The following PTPRN2 variants were observed in gnomAD, a reference collection of about 807,000 sequenced individuals.
The protein encoded by PTPRN2 is protein tyrosine phosphatase receptor type N2, also known as receptor-type tyrosine-protein phosphatase N2.
PTPRN2 carries 74 observed loss-of-function variants against 118.8 expected under a neutral mutation model. The observed-to-expected ratio is 0.62, with a 90% CI of 0.52 to 0.76. PTPRN2 has a LOEUF of 0.76. Among genes scored for constraint, PTPRN2 ranks in the 30% least tolerant of loss-of-function variants. The pLI is 0.00. For missense variants in PTPRN2, 1,481 were observed against 1,394.4 expected (o/e 1.06, Z -0.99); for synonymous variants, 641 against 608.0 (o/e 1.05, Z -0.80).
Position 157,603,909 on chromosome 7 carries a change from A to T in PTPRN2, c.2418+93T>A. The T allele has an allele frequency of 8.4e-7, 1 of 1,186,682 alleles. No individual in the cohort carries two copies. The highest frequency in any genetic ancestry group is 1.9e-5 in the Admixed American group (1 of 52,960). 73.5% of individuals were successfully genotyped at this position (1,186,682 alleles called of 1,614,324 possible). A position where few individuals can be genotyped will look rare whatever the true frequency, so the allele number is the denominator to read the frequency against. On this transcript the variant is annotated intron_variant, in intron 16 of 22. Transcript: ENST00000389418. This position sits in a 1 kb window ranked among gnomAD's most constrained non-coding sequence, Gnocchi z 5.4. ...CGCAGAGACGCTGAGCTGGGTGGGG[A>T]CGTGATTTCCCCCGAGAACCTTCCC... is the stretch of plus-strand genomic sequence containing the variant.
At chr7:157,555,795 G>A (rs1446533173) in intron 21 of PTPRN2, among the ~76,000 whole-genome samples, 1 of 152,200 alleles carries the variant, frequency 6.6e-6, no homozygotes, top group Non-Finnish European at 1.5e-5. Context: ...TGGAAGAACT[G>A]AAGAAAAGCT....
At chr7:158,334,457 A>T (rs796364253) in intron 2 of PTPRN2, among the ~76,000 whole-genome samples, 11 of 31,274 alleles carry the variant, frequency 3.5e-4, no homozygotes, top group African/African-American at 8.7e-4. Flanking sequence ...ATAAGAGGTG[A>T]CGCCCATAGA....
intron 2 of PTPRN2, among the ~76,000 whole-genome samples, chr7:158,333,702 C>T (rs1271662850): frequency 1.3e-5 from 2 of 150,834 alleles, no homozygotes; most frequent in East Asian, 2.0e-4. Flanking sequence ...ACACTGTCAC[C>T]ATAAGAGCTG....
At chr7:157,960,339 T>C (rs948329570) in intron 11 of PTPRN2, among the ~76,000 whole-genome samples, 10 of 152,248 alleles carry the variant, frequency 6.6e-5, no homozygotes, top group Non-Finnish European at 2.9e-5. Context: ...TTTTACTTTA[T>C]GTATATTTTA....
At chr7:158,046,200 C>G (rs1048950870) in intron 11 of PTPRN2, among the ~76,000 whole-genome samples, 1 of 151,546 alleles carries the variant, frequency 6.6e-6, no homozygotes, top group Non-Finnish European at 1.5e-5. Flanking sequence ...TCCTGGCATC[C>G]TGACACTGCC....
chr7:158,463,246 C>G (rs1819129802), intron 2 of PTPRN2, among the ~76,000 whole-genome samples: 1 of 152,106 alleles, frequency 6.6e-6, no homozygotes, highest in Admixed American at 6.5e-5. Flanking sequence ...AGCCCATCAT[C>G]CCCTAACTCC....
At chr7:158,141,781 T>G (rs1006100400) in intron 6 of PTPRN2, among the ~76,000 whole-genome samples, 6 of 152,192 alleles carry the variant, frequency 3.9e-5, no homozygotes, top group Admixed American at 3.3e-4. Flanking sequence ...TGTTGATGAC[T>G]AAGACCCTCT....
chr7:157,785,846 C>T lies in PTPRN2; in HGVS notation c.1789-102909G>A, dbSNP rs1021120783. ...TGAAGCCTGCGTTTTCCCTTCTGCA[C>T]AACAGCGGAGGTTTTCCTGGAGTTC... On this transcript the variant is annotated intron_variant, in intron 12 of 22. Coordinates refer to ENST00000389418, the MANE Select transcript of PTPRN2 (RefSeq NM_002847.5). This position sits in a 1 kb window ranked among gnomAD's most constrained non-coding sequence, Gnocchi z 7.3. Among the ~76,000 whole-genome samples the T allele has an allele frequency of 5.3e-5, 8 of 152,162 alleles. No individual in the cohort carries two copies. The highest frequency in any genetic ancestry group is 1.9e-4 in the African/African-American group (8 of 41,432).
chr7:158,485,080 C>T (rs1334892421), intron 2 of PTPRN2, among the ~76,000 whole-genome samples: 1 of 152,112 alleles, frequency 6.6e-6, no homozygotes, highest in African/African-American at 2.4e-5. Context: ...TGCAACGGCC[C>T]GCAGGCCCGT....
At chr7:157,608,794 C>T (rs1340066343) in intron 15 of PTPRN2, among the ~76,000 whole-genome samples, 2 of 152,196 alleles carry the variant, frequency 1.3e-5, no homozygotes, top group African/African-American at 4.8e-5. Flanking sequence ...CTGCTCCCTT[C>T]TGTTGTCAAA....
chr7:158,344,223 C>T (rs893208813), intron 2 of PTPRN2, among the ~76,000 whole-genome samples: 2 of 152,162 alleles, frequency 1.3e-5, no homozygotes, highest in Admixed American at 6.5e-5. Flanking sequence ...GCTCCAGCAA[C>T]CCCACACAGG....
chr7:158,165,078 T>C (rs73173661), intron 6 of PTPRN2, among the ~76,000 whole-genome samples: 100 of 100,938 alleles, frequency 9.9e-4, no homozygotes, highest in East Asian at 1.2e-3. Context: ...CTGATAGCAT[T>C]CAGTACCCAC....
chr7:157,803,628 C>T (rs987041175), intron 12 of PTPRN2, among the ~76,000 whole-genome samples: 4 of 152,150 alleles, frequency 2.6e-5, no homozygotes, highest in Admixed American at 6.6e-5. Flanking sequence ...GGTGAGGGTC[C>T]GATGCCGTTC....
chr7:158,036,735 T>A (rs1191853823), intron 11 of PTPRN2, among the ~76,000 whole-genome samples: 1 of 152,190 alleles, frequency 6.6e-6, no homozygotes, highest in Non-Finnish European at 1.5e-5. Context: ...TTTAAGAAAC[T>A]AGGAATAAAG....
intron 13 of PTPRN2, 21 bp downstream of exon 13, chr7:157,682,704 T>A: frequency 5.0e-6 from 8 of 1,600,344 alleles, no homozygotes; most frequent in Non-Finnish European, 6.0e-6. Flanking sequence ...ATATACCACT[T>A]TTTAAAAAGT....
chr7:158,245,729 G>A (rs527938019), intron 3 of PTPRN2, among the ~76,000 whole-genome samples: 4 of 152,290 alleles, frequency 2.6e-5, no homozygotes, highest in East Asian at 1.9e-4. Context: ...CAGGCACAGC[G>A]TCTCATGACG....
At chr7:157,800,425 G>C (rs1805192716) in intron 12 of PTPRN2, among the ~76,000 whole-genome samples, 1 of 152,146 alleles carries the variant, frequency 6.6e-6, no homozygotes, top group African/African-American at 2.4e-5. Flanking sequence ...TGCGCTCCCA[G>C]CTCCTACAAC....
Position 158,478,878 on chromosome 7 carries a change from G to A in PTPRN2, c.163+10857C>T, listed in dbSNP as rs12334229. Among the ~76,000 whole-genome samples the A allele has an allele frequency of 5.6e-3, 856 of 152,278 alleles. 6 individuals carry two copies. Among genetic ancestry groups the A allele is most frequent in the African/African-American group, 0.019 (785 of 41,550 alleles). ...AAAGACAAAACTCAGTGGGAATGGGGCAAAGATGGGAGCAGTAACTTACAG... is the reference window on the plus strand; with the variant it reads ...AAAGACAAAACTCAGTGGGAATGGGACAAAGATGGGAGCAGTAACTTACAG... On this transcript the variant is annotated intron_variant, in intron 2 of 22. Transcript: ENST00000389418.
chr7:158,472,873 G>A (rs1239060762), intron 2 of PTPRN2, among the ~76,000 whole-genome samples: 6 of 152,142 alleles, frequency 3.9e-5, no homozygotes, highest in Middle Eastern at 3.2e-3. Context: ...CAGTGGCGGC[G>A]GGGCGGGGGC....
Sources: gnomAD v4.1 joint callset for allele counts (sites outside exome capture counted in the v4.1 genomes callset) on GRCh38, gnomAD v4.1.1 for gene constraint, Gnocchi (gnomAD v3.1) non-coding constraint, MANE v1.5 for transcripts, NCBI Gene and HGNC (gene_info 2026-07-23, HGNC 2026-07-21) for gene names.